MMP26: variants seen among roughly 807,000 people sequenced by gnomAD.
MMP26 encodes the protein matrix metalloproteinase-26.
In MMP26, 33 loss-of-function variants were observed where a neutral mutation model predicts 31.0. The observed-to-expected ratio is 1.06, with a 90% CI of 0.81 to 1.42. The LOEUF is 1.42. Ranked by LOEUF, MMP26 falls within the 40% of genes most tolerant of loss-of-function variation. The probability of loss-of-function intolerance (pLI) is 0.00; values close to 1 mark genes in which losing one functional copy is unlikely to be tolerated. For synonymous variants in MMP26, 122 were observed against 114.9 expected (o/e 1.06, Z -0.40); for missense variants, 347 against 316.1 (o/e 1.10, Z -0.74).
Position 4,881,843 on chromosome 11 carries a change from T to C in MMP26, c.-144-106225T>C, listed in dbSNP as rs776040275. ...AATGACTAATAAAATGTATGCTATA[T>C]ATATAAAGAATCTTAATTATTTTTC... On this transcript the variant is annotated intron_variant, in intron 2 of 7. Transcript: ENST00000380390. 9.2e-6 allele frequency: 13 copies of C among 1,409,496 alleles called. No homozygotes were observed. The East Asian group carries it at 2.6e-4, about 28-fold the overall frequency. The allele number at this position is 1,409,496 out of a possible 1,614,324, so 87.3% of individuals were successfully genotyped here.
At chr11:4,733,168 C>T (rs561132667) in intron 1 of MMP26, among the ~76,000 whole-genome samples, 2 of 152,260 alleles carry the variant, frequency 1.3e-5, no homozygotes, top group South Asian at 4.1e-4. Flanking sequence ...ATTTTAGGAC[C>T]AGCTTGACAA....
chr11:4,959,666 G>A (rs1246017182), intron 2 of MMP26, among the ~76,000 whole-genome samples: 1 of 152,124 alleles, frequency 6.6e-6, no homozygotes, highest in Non-Finnish European at 1.5e-5. Flanking sequence ...ATCTCTTTAA[G>A]TGGTATCCAG....
chr11:4,878,321 A>G (rs1850412578), intron 2 of MMP26, among the ~76,000 whole-genome samples: 1 of 152,166 alleles, frequency 6.6e-6, no homozygotes, highest in South Asian at 2.1e-4. Context: ...TCTGGTATTC[A>G]GTGATGAACA....
rs546931417 is a variant in MMP26 at position 4,980,539 on chromosome 11, C to G, written c.-144-7529C>G. Among the ~76,000 whole-genome samples, 11 of 152,018 alleles carry G rather than the reference C, an allele frequency of 7.2e-5. No homozygotes were observed. In the South Asian group the frequency reaches 1.2e-3, roughly 17 times the overall value. The stretch of plus-strand genomic sequence containing the variant: ...AAAAAATTTAAATTTAAGGAGATTA[C>G]TAAGACAAGATAATGCAAAAGGAAA... On this transcript the variant is annotated intron_variant, in intron 2 of 7. Transcript: ENST00000380390.
chr11:4,902,577 G>A (rs1029851395), intron 2 of MMP26, among the ~76,000 whole-genome samples: 2 of 152,110 alleles, frequency 1.3e-5, no homozygotes, highest in Non-Finnish European at 2.9e-5. Flanking sequence ...TTTTAGTTGT[G>A]TTGTTTGTTT....
At chr11:4,794,597 G>T (rs1849079464) in intron 2 of MMP26, among the ~76,000 whole-genome samples, 1 of 152,100 alleles carries the variant, frequency 6.6e-6, no homozygotes, top group Non-Finnish European at 1.5e-5. Context: ...ATCATTGTCA[G>T]CTCAGGGACT....
At chr11:4,801,306 AT>A (rs919058507) in intron 2 of MMP26, among the ~76,000 whole-genome samples, 1 of 152,134 alleles carries the variant, frequency 6.6e-6, no homozygotes, top group Non-Finnish European at 1.5e-5. Flanking sequence ...CGATAAAAAA[AT>A]ATCTGAGGCT....
chr11:4,858,953 C>T (rs1008743712), intron 2 of MMP26, among the ~76,000 whole-genome samples: 2 of 152,028 alleles, frequency 1.3e-5, no homozygotes, highest in Non-Finnish European at 2.9e-5. Context: ...ACAAACCTGA[C>T]AAAAACAAGA....
At chr11:4,791,172 C>T (rs1849021472) in intron 2 of MMP26, among the ~76,000 whole-genome samples, 1 of 152,162 alleles carries the variant, frequency 6.6e-6, no homozygotes, top group Non-Finnish European at 1.5e-5. Context: ...TGAGAATCTA[C>T]CACAGGAGGC....
Position 4,992,234 on chromosome 11 carries a change from A to G in MMP26, c.778A>G (p.Ile260Val), listed in dbSNP as rs1479202727. 1.2e-6 allele frequency: 2 copies of G among 1,611,046 alleles called. No individual in the cohort carries two copies. Among genetic ancestry groups the G allele is most frequent in the Non-Finnish European group, 1.7e-6 (2 of 1,178,588 alleles). Residue 260 changes from isoleucine to valine, a missense_variant, in exon 8 of 8, where the codon ATA (isoleucine) becomes GTA (valine). Physicochemically the swap from Ile to Val is conservative, Grantham distance 29 (BLOSUM62 3). Coordinates refer to ENST00000380390, the MANE Select transcript of MMP26 (RefSeq NM_021801.5). ...CATAGGAGAAAAATGTTCATCTGAC[A>G]TACCTTAATGTTAGCACAGAGGACT... The part of the protein sequence containing the change: ...HLYGEKCSSD[I>V]P
chr11:4,720,803 C>T (rs927172860), intron 1 of MMP26, among the ~76,000 whole-genome samples: 4 of 152,154 alleles, frequency 2.6e-5, no homozygotes, highest in East Asian at 1.9e-4. Flanking sequence ...CTTCCCCGCT[C>T]GCTATAGCTC....
intron 2 of MMP26, among the ~76,000 whole-genome samples, chr11:4,861,541 T>G (rs1176567602): frequency 1.3e-5 from 2 of 151,914 alleles, no homozygotes; most frequent in Non-Finnish European, 2.9e-5. Flanking sequence ...GTTGTAAGGA[T>G]AATTTTAATG....
At chr11:4,956,716 C>G (rs1430049310) in intron 2 of MMP26, among the ~76,000 whole-genome samples, 2 of 152,170 alleles carry the variant, frequency 1.3e-5, no homozygotes, top group Non-Finnish European at 2.9e-5. Flanking sequence ...ACATCGCTAA[C>G]TAAATATCCC....
intron 2 of MMP26, among the ~76,000 whole-genome samples, chr11:4,775,831 A>G (rs1216188481): frequency 2.0e-5 from 3 of 152,026 alleles, no homozygotes; most frequent in Admixed American, 2.0e-4. Context: ...GGGTACAAGT[A>G]TGGTTTTGTT....
At chr11:4,917,262 G>C (rs1434398816) in intron 2 of MMP26, among the ~76,000 whole-genome samples, 1 of 152,114 alleles carries the variant, frequency 6.6e-6, no homozygotes, top group Non-Finnish European at 1.5e-5. Context: ...TTATGCTGTA[G>C]ATAAGAAAAC....
intron 1 of MMP26, among the ~76,000 whole-genome samples, chr11:4,738,316 A>G (rs1848268775): frequency 6.6e-6 from 1 of 152,160 alleles, no homozygotes; most frequent in African/African-American, 2.4e-5. Flanking sequence ...AGATGTGGGC[A>G]TTAGAGGCTA....
chr11:4,890,914 A>G (rs1300133370), intron 2 of MMP26, among the ~76,000 whole-genome samples: 1 of 150,970 alleles, frequency 6.6e-6, no homozygotes, highest in Non-Finnish European at 1.5e-5. Flanking sequence ...ACCCCATTTC[A>G]ATGACAAATT....
At chr11:4,884,688 T>C (rs1234160584) in intron 2 of MMP26, among the ~76,000 whole-genome samples, 4 of 151,970 alleles carry the variant, frequency 2.6e-5, no homozygotes, top group Admixed American at 1.3e-4. Flanking sequence ...TGAAGACTTT[T>C]CTAAAAGTTC....
chr11:4,822,002 A>G lies in MMP26; in HGVS notation c.-145+54661A>G, dbSNP rs751224990. 1.2e-5 allele frequency: 19 copies of G among 1,613,946 alleles called. No homozygotes were observed. The East Asian group carries it at 2.7e-4, about 23-fold the overall frequency. On this transcript the variant is annotated intron_variant, in intron 2 of 7. Transcript: ENST00000380390. ...CTCATCCAACTCTCCTGCACAGACA[A>G]TAGGATCAACAGCATCCTTGGTCTG... is the stretch of plus-strand genomic sequence containing the variant.
Sources: allele counts gnomAD v4.1 joint callset (sites outside exome capture counted in the v4.1 genomes callset), GRCh38; gene constraint gnomAD v4.1.1; transcripts MANE v1.5; gene names NCBI Gene and HGNC (gene_info 2026-07-23, HGNC 2026-07-21).